The following DPF3 variants were observed in gnomAD, a reference collection of about 807,000 sequenced individuals.
DPF3 encodes the protein zinc finger protein DPF3.
In DPF3, 18 loss-of-function variants were observed where a neutral mutation model predicts 56.8. The observed-to-expected ratio is 0.32, with a 90% CI of 0.22 to 0.47. DPF3 has a LOEUF of 0.47. Among genes scored for constraint, DPF3 ranks in the 20% least tolerant of loss-of-function variants. The pLI, the probability that DPF3 is intolerant of heterozygous loss-of-function variation, is 1.00. For synonymous variants in DPF3, 188 were observed against 180.2 expected, an observed-to-expected ratio of 1.04 and a Z score of -0.35; for missense variants, 403 against 488.8, an observed-to-expected ratio of 0.82 and a Z score of 1.65.
chr14:72,819,548 A>C (rs1156796292), intron 1 of DPF3, among the ~76,000 whole-genome samples: 1 of 125,374 alleles, frequency 8.0e-6, no homozygotes, highest in African/African-American at 2.8e-5. Flanking sequence ...ATCAGGACTG[A>C]AAAAAATAAA....
chr14:72,873,936 A>G, intron 1 of DPF3, among the ~76,000 whole-genome samples: 1 of 146,526 alleles, frequency 6.8e-6, no homozygotes, highest in Admixed American at 6.8e-5. Context: ...GGTGGGGGGA[A>G]GGGGAGGGAT....
chr14:72,846,593 C>A (rs1026860380), intron 1 of DPF3, among the ~76,000 whole-genome samples: 5 of 151,972 alleles, frequency 3.3e-5, no homozygotes, highest in Non-Finnish European at 5.9e-5. Flanking sequence ...ACCTCGGCCT[C>A]CCAAAGTGCT....
intron 3 of DPF3, among the ~76,000 whole-genome samples, chr14:72,748,566 A>T (rs113858777): frequency 0.024 from 3,631 of 152,296 alleles, 124 homozygotes; most frequent in African/African-American, 0.083. Flanking sequence ...CCCAAGACAA[A>T]GGGGAAAATG....
chr14:72,747,720 G>A (rs180899244), intron 3 of DPF3, among the ~76,000 whole-genome samples: 1 of 152,186 alleles, frequency 6.6e-6, no homozygotes, highest in East Asian at 1.9e-4. Flanking sequence ...ACGTGGGAGG[G>A]ACCCAGTGGG....
chr14:72,724,082 C>T, intron 4 of DPF3: 1 of 188,416 alleles, frequency 5.3e-6, no homozygotes, highest in Non-Finnish European at 1.1e-5. Flanking sequence ...TCTTTTTGCT[C>T]CCAAAGGGCC....
rs532298533 is a variant in DPF3, at chr14:72,766,247, T to TA, written c.193+5485dup. ...TCTGCTTCTGGAAAGATGAAATAGA[T>TA]ACACTTTTTTATATTCCTCTCACTA... On this transcript the variant is annotated intron_variant, in intron 2 of 10. Coordinates refer to ENST00000556509, the MANE Select transcript of DPF3 (RefSeq NM_001280542.3). Among the ~76,000 whole-genome samples, 6 of 152,298 alleles carry TA rather than the reference T, an allele frequency of 3.9e-5. No individual in the cohort carries two copies. The South Asian group carries it at 1.0e-3, about 26-fold the overall frequency.
intron 7 of DPF3, among the ~76,000 whole-genome samples, chr14:72,683,367 G>A (rs1258879057): frequency 1.4e-5 from 2 of 147,648 alleles, no homozygotes; most frequent in Non-Finnish European, 3.0e-5. Flanking sequence ...GGCCTGAATT[G>A]CTGAATCAGA....
intron 2 of DPF3, among the ~76,000 whole-genome samples, chr14:72,756,928 A>AAGAAAGAAG (rs1428028523): frequency 1.2e-4 from 17 of 139,166 alleles, no homozygotes; most frequent in African/African-American, 3.7e-4. Context: ...GAAAGAAAGA[A>AAGAAAGAAG]AGAAGAGAAG....
chr14:72,780,441 A>C (rs1891923973), intron 1 of DPF3, among the ~76,000 whole-genome samples: 1 of 152,234 alleles, frequency 6.6e-6, no homozygotes, highest in Non-Finnish European at 1.5e-5. Context: ...AACCATGCAC[A>C]GTACTGGGAA....
intron 8 of DPF3, among the ~76,000 whole-genome samples, chr14:72,649,575 T>C (rs1885834618): frequency 6.6e-6 from 1 of 150,632 alleles, no homozygotes; most frequent in African/African-American, 2.5e-5. Flanking sequence ...GAGATTTTGG[T>C]TCTTGCTTAT....
chr14:72,770,660 G>A (rs1395438034), intron 2 of DPF3, among the ~76,000 whole-genome samples: 1 of 152,194 alleles, frequency 6.6e-6, no homozygotes, highest in East Asian at 1.9e-4. Context: ...GATTGACCAT[G>A]AGTTGAACAT....
At position 72,753,355 on chromosome 14, in the gene DPF3, C is replaced by T. The variant is rs1890658742; in HGVS notation, c.210G>A (p.Gln70=). ...AGCAGCGGGCAGGGTATGTATACAG[C>T]TGGCCCGGGGCAAGGCCTGTGGACA... ...RHRGPGLAPG[Q]LYTYPARCWR... The change falls in exon 3 of 11, where the codon CAG becomes CAA. Residue 70 remains glutamine, a synonymous_variant. Transcript: ENST00000556509. 3.1e-6 allele frequency: 5 copies of T among 1,612,314 alleles called. No homozygotes were observed. In the South Asian group the frequency reaches 4.4e-5, roughly 14 times the overall value.
intron 1 of DPF3, among the ~76,000 whole-genome samples, chr14:72,796,178 G>C (rs116986429): frequency 6.6e-6 from 1 of 152,308 alleles, no homozygotes; most frequent in East Asian, 1.9e-4. Flanking sequence ...CTTTAAGAAA[G>C]TATGTAACTT....
intron 1 of DPF3, among the ~76,000 whole-genome samples, chr14:72,858,856 A>G (rs1885271637): frequency 6.6e-6 from 1 of 152,110 alleles, no homozygotes; most frequent in Non-Finnish European, 1.5e-5. Flanking sequence ...TCATCTTTTT[A>G]CTTTTATGTG....
At chr14:72,759,801 T>C (rs1199497486) in intron 2 of DPF3, among the ~76,000 whole-genome samples, 4 of 151,922 alleles carry the variant, frequency 2.6e-5, no homozygotes, top group African/African-American at 9.7e-5. Flanking sequence ...AGGAAACATG[T>C]TAACATATAC....
chr14:72,832,986 G>T (rs1047053541), intron 1 of DPF3, among the ~76,000 whole-genome samples: 6 of 152,216 alleles, frequency 3.9e-5, no homozygotes, highest in African/African-American at 1.2e-4. Context: ...GAAGGTAGAG[G>T]TTAAATCCAG....
chr14:72,758,694 C>A (rs1406311355), intron 2 of DPF3, among the ~76,000 whole-genome samples: 1 of 152,068 alleles, frequency 6.6e-6, no homozygotes, highest in African/African-American at 2.4e-5. Flanking sequence ...GTATGATTCC[C>A]GGGGTACTGG....
At chr14:72,876,870 G>A (rs746581771) in intron 1 of DPF3, among the ~76,000 whole-genome samples, 2 of 152,224 alleles carry the variant, frequency 1.3e-5, no homozygotes, top group East Asian at 1.9e-4. Flanking sequence ...GGAACCTCAC[G>A]TGAAGCAGCT....
chr14:72,796,365 T>C (rs980413815), intron 1 of DPF3, among the ~76,000 whole-genome samples: 1 of 152,140 alleles, frequency 6.6e-6, no homozygotes, highest in Non-Finnish European at 1.5e-5. Flanking sequence ...TAGCCAGGCA[T>C]AGTGGCATGG....
Sources: gnomAD v4.1 joint callset for allele counts (sites outside exome capture counted in the v4.1 genomes callset) on GRCh38, gnomAD v4.1.1 for gene constraint, MANE v1.5 for transcripts, NCBI Gene and HGNC (gene_info 2026-07-23, HGNC 2026-07-21) for gene names.